ZFPM2: variants seen among roughly 807,000 people sequenced by gnomAD.
ZFPM2 encodes zinc finger protein, FOG family member 2, also known as zinc finger protein ZFPM2.
In ZFPM2, 20 loss-of-function variants were observed where a neutral mutation model predicts 98.6. The ratio of observed to expected loss-of-function variants is 0.20; its 90% confidence interval spans 0.14 to 0.29. The LOEUF (loss-of-function observed/expected upper bound fraction) is 0.29. Ranked by LOEUF, ZFPM2 falls within the 10% of genes least tolerant of loss-of-function variation. The pLI, the probability that ZFPM2 is intolerant of heterozygous loss-of-function variation, is 1.00. For missense variants in ZFPM2, 1,310 were observed against 1,388.6 expected, an observed-to-expected ratio of 0.94 and a Z score of 0.90; for synonymous variants, 518 against 502.7, an observed-to-expected ratio of 1.03 and a Z score of -0.41.
At chr8:105,418,843 T>C in intron 1 of ZFPM2, 1 of 543,946 alleles carries the variant, frequency 1.8e-6, no homozygotes, top group South Asian at 1.5e-5. Flanking sequence ...ACAGTTTTGC[T>C]CTTAAAGAGC....
chr8:105,582,475 G>T (rs1280615335), intron 4 of ZFPM2, among the ~76,000 whole-genome samples: 3 of 152,172 alleles, frequency 2.0e-5, no homozygotes, highest in Non-Finnish European at 2.9e-5. Flanking sequence ...CAATGCACAG[G>T]ATGGCTCTCT....
intron 3 of ZFPM2, among the ~76,000 whole-genome samples, chr8:105,554,628 A>G (rs577325527): frequency 4.6e-5 from 7 of 152,280 alleles, no homozygotes; most frequent in Admixed American, 6.5e-5. Context: ...ATTTGGTTGT[A>G]TATTTAAAAC....
At chr8:105,752,786 A>G (rs1812509641) in intron 5 of ZFPM2, among the ~76,000 whole-genome samples, 1 of 152,104 alleles carries the variant, frequency 6.6e-6, no homozygotes, top group Non-Finnish European at 1.5e-5. Context: ...TTCTGCCTCT[A>G]TAGATACTTG....
At chr8:105,477,237 C>CTTTTTTTT (rs397891589) in intron 3 of ZFPM2, among the ~76,000 whole-genome samples, 2 of 74,474 alleles carry the variant, frequency 2.7e-5, no homozygotes, top group African/African-American at 1.1e-4. Flanking sequence ...TGCTAGCAAT[C>CTTTTTTTT]TTTTTTTTTT....
In ZFPM2 at chr8:105,653,854, C is replaced by CTTTTTTTTTTTTTTTTTTT. The variant is rs60218363; in HGVS notation, c.532+19512_532+19530dup. ...CTTTATACAACAGCTTGTGTGCTAT[C>CTTTTTTTTTTTTTTTTTTT]TTTTTTTTTTTTTTTTTTTTTTTTT... On this transcript the variant is annotated intron_variant, in intron 5 of 7. Coordinates refer to ENST00000407775, the MANE Select transcript of ZFPM2 (RefSeq NM_012082.4). Among the ~76,000 whole-genome samples, 32 of 35,286 alleles carry CTTTTTTTTTTTTTTTTTTT rather than the reference C, an allele frequency of 9.1e-4. 8 individuals are homozygous for CTTTTTTTTTTTTTTTTTTT. The highest frequency in any genetic ancestry group is 1.1e-3 in the Admixed American group (2 of 1,754). The allele number at this position is 35,286 out of a possible 152,430, so 23.1% of individuals were successfully genotyped here.
At chr8:105,541,249 A>T (rs1169569453) in intron 3 of ZFPM2, among the ~76,000 whole-genome samples, 1 of 152,172 alleles carries the variant, frequency 6.6e-6, no homozygotes, top group Non-Finnish European at 1.5e-5. Flanking sequence ...TTTAATTATT[A>T]CAAGAATCCT....
At chr8:105,461,073 T>A (rs1812696450) in intron 3 of ZFPM2, among the ~76,000 whole-genome samples, 4 of 152,062 alleles carry the variant, frequency 2.6e-5, no homozygotes. Context: ...TAATTTCTTA[T>A]AAAATAGCTT....
chr8:105,605,718 A>G (rs1000098429), intron 4 of ZFPM2, among the ~76,000 whole-genome samples: 4 of 152,116 alleles, frequency 2.6e-5, no homozygotes, highest in African/African-American at 9.6e-5. Context: ...AAAATGGGGT[A>G]AGAAAGTTGT....
At chr8:105,534,288 C>G (rs111215869) in intron 3 of ZFPM2, among the ~76,000 whole-genome samples, 1 of 102,584 alleles carries the variant, frequency 9.7e-6, no homozygotes, top group South Asian at 3.9e-4. Context: ...CCCTCCCTCC[C>G]TCCTTTCTTC....
chr8:105,351,354 CGTGTGTGTGTGT>C (rs139105567), intron 1 of ZFPM2, among the ~76,000 whole-genome samples: 3 of 144,844 alleles, frequency 2.1e-5, no homozygotes, highest in Admixed American at 6.9e-5. Flanking sequence ...TGCATTATTT[CGTGTGTGTGTGT>C]GTGTGTGTGT....
chr8:105,739,961 C>G lies in ZFPM2; in HGVS notation c.533-48757C>G, dbSNP rs1812175497. Among the ~76,000 whole-genome samples the G allele has an allele frequency of 2.0e-5, 3 of 151,992 alleles. 1 individual carries two copies. Among genetic ancestry groups the G allele is most frequent in the Non-Finnish European group, 4.4e-5 (3 of 67,950 alleles). ...TTCCTTAAAACCCCCCTTTTCTTTA[C>G]CCTGTATCCTTACCTAACCTCAGAA... On this transcript the variant is annotated intron_variant, in intron 5 of 7. Coordinates refer to ENST00000407775, the MANE Select transcript of ZFPM2 (RefSeq NM_012082.4).
At chr8:105,609,638 T>A (rs72673770) in intron 4 of ZFPM2, among the ~76,000 whole-genome samples, 1 of 152,138 alleles carries the variant, frequency 6.6e-6, no homozygotes, top group South Asian at 2.1e-4. Flanking sequence ...TTGGTTTAAC[T>A]GTAAAAAGAG....
intron 5 of ZFPM2, among the ~76,000 whole-genome samples, chr8:105,694,188 G>A (rs1398250106): frequency 2.0e-5 from 3 of 151,624 alleles, no homozygotes; most frequent in Admixed American, 6.6e-5. Flanking sequence ...GGGTTTCGCT[G>A]TGTTAGCCAG....
chr8:105,413,927 C>T (rs1357334522), intron 1 of ZFPM2, among the ~76,000 whole-genome samples: 1 of 151,930 alleles, frequency 6.6e-6, no homozygotes, highest in Non-Finnish European at 1.5e-5. Context: ...GGGGCAAATT[C>T]ACCTAGTGGA....
At chr8:105,335,411 G>C (rs1488466893) in intron 1 of ZFPM2, among the ~76,000 whole-genome samples, 1 of 151,718 alleles carries the variant, frequency 6.6e-6, no homozygotes, top group African/African-American at 2.4e-5. Context: ...GGTGCTACAA[G>C]GTGTATGCTA....
intron 1 of ZFPM2, among the ~76,000 whole-genome samples, chr8:105,346,705 T>C (rs1381017412): frequency 6.6e-6 from 1 of 152,244 alleles, no homozygotes; most frequent in Non-Finnish European, 1.5e-5. Context: ...ACAGGGATAA[T>C]TAGTTCCATT....
intron 5 of ZFPM2, among the ~76,000 whole-genome samples, chr8:105,758,360 C>G (rs867733410): frequency 3.9e-5 from 6 of 152,090 alleles, no homozygotes; most frequent in Non-Finnish European, 5.9e-5. Flanking sequence ...AAATCTCTCC[C>G]TCTCTTTATT....
chr8:105,604,811 T>A (rs987422014), intron 4 of ZFPM2, among the ~76,000 whole-genome samples: 1 of 152,104 alleles, frequency 6.6e-6, no homozygotes, highest in African/African-American at 2.4e-5. Context: ...TGTCTCTTTA[T>A]ATCTTTATTT....
chr8:105,590,144 T>C (rs1438865783), intron 4 of ZFPM2, among the ~76,000 whole-genome samples: 1 of 152,226 alleles, frequency 6.6e-6, no homozygotes, highest in Non-Finnish European at 1.5e-5. Flanking sequence ...TTTTCTAGGC[T>C]GAAACTCCAA....
Sources: gnomAD v4.1 joint callset for allele counts (sites outside exome capture counted in the v4.1 genomes callset) on GRCh38, gnomAD v4.1.1 for gene constraint, MANE v1.5 for transcripts, NCBI Gene and HGNC (gene_info 2026-07-23, HGNC 2026-07-21) for gene names.